Variants in DOCK4 observed in about 807,000 individuals in gnomAD.
DOCK4 encodes the protein dedicator of cytokinesis 4, also known as dedicator of cytokinesis protein 4.
DOCK4 carries 97 observed loss-of-function variants against 268.1 expected under a neutral mutation model. The ratio of observed to expected loss-of-function variants is 0.36; its 90% CI spans 0.31 to 0.43. The LOEUF (loss-of-function observed/expected upper bound fraction) is 0.43. Ranked by LOEUF, DOCK4 falls within the 20% of genes least tolerant of loss-of-function variation. The probability of loss-of-function intolerance (pLI) is 1.00; values close to 1 mark genes in which losing one functional copy is unlikely to be tolerated. For missense variants in DOCK4, 2,145 were observed against 2,455.7 expected, an observed-to-expected ratio of 0.87 and a Z score of 2.67; for synonymous variants, 954 against 887.2, an observed-to-expected ratio of 1.08 and a Z score of -1.34.
intron 23 of DOCK4, among the ~76,000 whole-genome samples, chr7:111,851,048 T>C (rs74410585): frequency 0.19 from 28,366 of 152,012 alleles, 3,150 homozygotes; most frequent in African/African-American, 0.31. Flanking sequence ...GATACACATA[T>C]GTTAAAAACA....
chr7:111,859,011 T>C (rs777079194), intron 23 of DOCK4, among the ~76,000 whole-genome samples: 4 of 152,182 alleles, frequency 2.6e-5, no homozygotes, highest in Non-Finnish European at 5.9e-5. Context: ...GTGAGCCAAC[T>C]GTACTCTTTG....
chr7:111,845,436 G>C (rs941536833), intron 24 of DOCK4, among the ~76,000 whole-genome samples: 5 of 152,140 alleles, frequency 3.3e-5, no homozygotes, highest in African/African-American at 9.7e-5. Flanking sequence ...CTACAGAGTG[G>C]ATCTAAGGTC....
At chr7:111,973,935 A>G (rs1797933111) in intron 8 of DOCK4, among the ~76,000 whole-genome samples, 1 of 152,222 alleles carries the variant, frequency 6.6e-6, no homozygotes, top group African/African-American at 2.4e-5. Flanking sequence ...AAATATAACA[A>G]TGCCTTAAAA....
chr7:112,109,228 C>T (rs1390870776), intron 1 of DOCK4, among the ~76,000 whole-genome samples: 1 of 152,090 alleles, frequency 6.6e-6, no homozygotes, highest in African/African-American at 2.4e-5. Context: ...GCAGCACTGC[C>T]TTCTTCCCAT....
intron 23 of DOCK4, among the ~76,000 whole-genome samples, chr7:111,852,366 T>C (rs1315928541): frequency 2.0e-5 from 3 of 152,180 alleles, no homozygotes; most frequent in Non-Finnish European, 2.9e-5. Flanking sequence ...ACAGGCATTC[T>C]ATACATTAAG....
chr7:111,934,523 G>GTTTTTTTTTTTTT (rs1183672033), intron 12 of DOCK4, among the ~76,000 whole-genome samples: 24 of 83,868 alleles, frequency 2.9e-4, no homozygotes, highest in African/African-American at 6.0e-4. Context: ...TTTTGTTTTT[G>GTTTTTTTTTTTTT]TTTTTTTTTT....
chr7:112,205,021 C>T (rs1362141581), intron 1 of DOCK4, among the ~76,000 whole-genome samples: 2 of 152,084 alleles, frequency 1.3e-5, no homozygotes. Flanking sequence ...TGGCCGGCTG[C>T]AGCCTTGTCG....
chr7:111,915,950 G>C (rs766860678), intron 12 of DOCK4, 46 bp from the exon 13 acceptor site: 1 of 1,575,058 alleles, frequency 6.3e-7, no homozygotes, highest in African/African-American at 1.4e-5. Context: ...AATAGAAATA[G>C]AATAAAGAGA....
intron 16 of DOCK4, among the ~76,000 whole-genome samples, chr7:111,885,129 G>A (rs1236833710): frequency 1.3e-5 from 2 of 152,210 alleles, no homozygotes; most frequent in Non-Finnish European, 2.9e-5. Context: ...GGCACTGCCT[G>A]TGCTTTAATT....
chr7:111,872,944 T>G (rs2134241937), intron 17 of DOCK4, among the ~76,000 whole-genome samples: 1 of 152,262 alleles, frequency 6.6e-6, no homozygotes, highest in East Asian at 1.9e-4. Flanking sequence ...TTTTTCTGCC[T>G]CCTCCTGGAA....
chr7:112,119,582 C>T (rs954901495), intron 1 of DOCK4, among the ~76,000 whole-genome samples: 43 of 152,110 alleles, frequency 2.8e-4, no homozygotes, highest in Admixed American at 1.9e-3. Context: ...GTGCCCTAAA[C>T]GAACATTGGA....
intron 20 of DOCK4, among the ~76,000 whole-genome samples, chr7:111,870,329 T>C (rs1370026276): frequency 1.3e-5 from 2 of 148,744 alleles, no homozygotes; most frequent in African/African-American, 5.0e-5. Flanking sequence ...TTTTCTTTTT[T>C]TTTTTTTTTT....
intron 50 of DOCK4, 32 bp from the exon 51 acceptor site, chr7:111,735,199 G>A (rs759412878): frequency 1.5e-5 from 22 of 1,432,028 alleles, no homozygotes; most frequent in South Asian, 1.1e-4. Flanking sequence ...AAAAACACAC[G>A]GTCCAGCTTT....
intron 8 of DOCK4, among the ~76,000 whole-genome samples, chr7:111,970,195 T>C (rs975934707): frequency 2.6e-5 from 4 of 152,146 alleles, no homozygotes; most frequent in Admixed American, 2.0e-4. Context: ...TAGAATCTTA[T>C]AGATACTGTA....
Position 111,788,646 on chromosome 7 carries a change from T to TA in DOCK4, c.3401+15dup. 6.4e-7 allele frequency: 1 copy of TA among 1,564,582 alleles called. No homozygotes were observed. The highest frequency in any genetic ancestry group is 8.7e-7 in the Non-Finnish European group (1 of 1,151,480). ...CCCCCAGAATGGAATCAACTTGAGATAAACATATTACTCACATACTGTTGA... is the reference window on the plus strand; with the variant it reads ...CCCCCAGAATGGAATCAACTTGAGATAAAACATATTACTCACATACTGTTGA... On this transcript the variant is annotated intron_variant, in intron 32 of 52. Transcript: ENST00000428084.
At chr7:111,919,270 A>C (rs529679929) in intron 12 of DOCK4, among the ~76,000 whole-genome samples, 2 of 152,272 alleles carry the variant, frequency 1.3e-5, no homozygotes, top group African/African-American at 4.8e-5. Context: ...AAGGAGAAAA[A>C]ATGCTTTAGA....
intron 1 of DOCK4, among the ~76,000 whole-genome samples, chr7:112,193,810 C>T (rs567080761): frequency 2.1e-4 from 32 of 152,056 alleles, no homozygotes; most frequent in African/African-American, 6.5e-4. Context: ...TAAAGTACCA[C>T]AGGCTCGGTG....
intron 1 of DOCK4, among the ~76,000 whole-genome samples, chr7:112,178,446 C>A (rs949563223): frequency 6.6e-6 from 1 of 152,150 alleles, no homozygotes; most frequent in African/African-American, 2.4e-5. Flanking sequence ...TCGGTAACAG[C>A]CCCTGCTCCA....
At chr7:111,993,675 C>T (rs1320063705) in intron 5 of DOCK4, among the ~76,000 whole-genome samples, 1 of 152,184 alleles carries the variant, frequency 6.6e-6, no homozygotes, top group Non-Finnish European at 1.5e-5. Context: ...CTGCAAAACA[C>T]AGATCCTTTT....
Sources: gnomAD v4.1 joint callset for allele counts (sites outside exome capture counted in the v4.1 genomes callset) on GRCh38, gnomAD v4.1.1 for gene constraint, MANE v1.5 for transcripts, NCBI Gene and HGNC (gene_info 2026-07-23, HGNC 2026-07-21) for gene names.